CTBP2: variants seen among roughly 807,000 people sequenced by gnomAD.
CTBP2 encodes the protein C-terminal-binding protein 2.
In CTBP2, 30 loss-of-function variants were observed where a neutral mutation model predicts 80.3. The ratio of observed to expected loss-of-function variants is 0.37; its 90% confidence interval spans 0.28 to 0.51. The LOEUF is 0.51. CTBP2 is among the 20% of genes least tolerant of loss of function. CTBP2 has a pLI of 0.93. For synonymous variants in CTBP2, 594 were observed against 587.4 expected (o/e 1.01, Z -0.16); for missense variants, 1,212 against 1,375.3 (o/e 0.88, Z 1.88).
chr10:125,073,967 C>T (rs1296626394), intron 2 of CTBP2, among the ~76,000 whole-genome samples: 1 of 152,200 alleles, frequency 6.6e-6, no homozygotes, highest in African/African-American at 2.4e-5. Context: ...CAATCCCACC[C>T]AGCACCACAG....
intron 1 of CTBP2, among the ~76,000 whole-genome samples, chr10:125,134,909 T>C (rs1446373617): frequency 1.1e-5 from 1 of 89,106 alleles, no homozygotes; most frequent in Non-Finnish European, 2.7e-5. Context: ...GCCCCCGGTA[T>C]ACTCAACCCT....
intron 1 of CTBP2, among the ~76,000 whole-genome samples, chr10:125,125,182 A>G (rs1855017875): frequency 6.6e-6 from 1 of 152,220 alleles, no homozygotes; most frequent in Admixed American, 6.5e-5. Flanking sequence ...ATGTTGGCGG[A>G]GCATCAACAG....
chr10:125,123,277 C>T (rs1326287656), intron 1 of CTBP2, among the ~76,000 whole-genome samples: 2 of 152,194 alleles, frequency 1.3e-5, no homozygotes, highest in African/African-American at 4.8e-5. Context: ...TAAAATTGCA[C>T]AGACTAAATA....
chr10:125,087,174 A>C (rs1405452309), intron 2 of CTBP2, among the ~76,000 whole-genome samples: 3 of 151,504 alleles, frequency 2.0e-5, no homozygotes, highest in African/African-American at 7.3e-5. Context: ...TCCTGGGTTC[A>C]AGCGAGTCTC....
intron 1 of CTBP2, among the ~76,000 whole-genome samples, chr10:125,022,696 T>G (rs1957173759): frequency 6.6e-6 from 1 of 152,220 alleles, no homozygotes; most frequent in Non-Finnish European, 1.5e-5. Flanking sequence ...CAGGAAGGGC[T>G]GGACTCATCC....
rs966186448 is a variant in CTBP2 at position 124,988,948 on chromosome 10, A to G, written c.*570T>C. On this transcript the variant is annotated 3_prime_UTR_variant, in exon 9 of 9. Coordinates refer to ENST00000309035, the MANE Select transcript of CTBP2 (RefSeq NM_022802.3). ...CTTACAACCGACTTGCCCGCTCAGT[A>G]TGCAGTTCAGATGTGAGAGGCGCTT... The G allele has an allele frequency of 6.6e-6, 1 of 151,086 alleles. No homozygotes were observed. The highest frequency in any genetic ancestry group is 2.5e-5 in the African/African-American group (1 of 40,730). The allele number at this position is 151,086 out of a possible 1,614,324, so 9.4% of individuals were successfully genotyped here. A position where few individuals can be genotyped will look rare whatever the true frequency, so the allele number is the denominator to read the frequency against.
At chr10:125,079,811 T>G (rs1051091858) in intron 2 of CTBP2, among the ~76,000 whole-genome samples, 1 of 152,234 alleles carries the variant, frequency 6.6e-6, no homozygotes, top group African/African-American at 2.4e-5. Flanking sequence ...AGGCATTTTC[T>G]CACATGATGC....
chr10:124,990,042 GT>G (rs74920887), intron 8 of CTBP2, among the ~76,000 whole-genome samples: 203 of 138,822 alleles, frequency 1.5e-3, no homozygotes, highest in Middle Eastern at 7.7e-3. Flanking sequence ...CTGGCTAATA[GT>G]TTTTTTTTTT....
At chr10:125,057,934 G>A (rs1964275958) in intron 2 of CTBP2, among the ~76,000 whole-genome samples, 1 of 152,042 alleles carries the variant, frequency 6.6e-6, no homozygotes, top group African/African-American at 2.4e-5. Context: ...GCCCCCAAGA[G>A]GGTCTCACGG....
intron 2 of CTBP2, among the ~76,000 whole-genome samples, chr10:125,083,300 T>G (rs984648386): frequency 2.0e-5 from 3 of 152,190 alleles, no homozygotes; most frequent in Non-Finnish European, 4.4e-5. Flanking sequence ...CTCTCTTGAT[T>G]TGGCTTCTGG....
At chr10:125,051,554 T>G (rs1024991411) in intron 2 of CTBP2, among the ~76,000 whole-genome samples, 1 of 151,880 alleles carries the variant, frequency 6.6e-6, no homozygotes, top group Admixed American at 6.6e-5. Context: ...GCAGGAGAAT[T>G]GCTTGAACCC....
intron 1 of CTBP2, among the ~76,000 whole-genome samples, chr10:125,112,430 G>GT (rs59714965): frequency 0.09 from 8,336 of 92,274 alleles, 368 homozygotes; most frequent in African/African-American, 0.1. Context: ...TACCTTTTTC[G>GT]TTTTTTTTTT....
intron 1 of CTBP2, among the ~76,000 whole-genome samples, chr10:125,149,666 G>A (rs533784881): frequency 6.6e-6 from 1 of 152,296 alleles, no homozygotes; most frequent in Admixed American, 6.5e-5. Flanking sequence ...TTCACAAAAA[G>A]AAGAGAAGGG....
At position 124,988,242 on chromosome 10, in the gene CTBP2, T is replaced by C. The variant is rs992789114; in HGVS notation, c.*1276A>G. ...TATGGAACCCTGTAGTAACAAGAGC[T>C]GGAAATTGGCTAATTGACAATGCAA... On this transcript the variant is annotated 3_prime_UTR_variant, in exon 9 of 9. Coordinates refer to ENST00000309035, the MANE Select transcript of CTBP2 (RefSeq NM_022802.3). 2.0e-5 allele frequency: 3 copies of C among 152,682 alleles called. No homozygotes were observed. The highest frequency in any genetic ancestry group is 6.5e-5 in the Admixed American group (1 of 15,280). 9.5% of individuals were successfully genotyped at this position (152,682 alleles called of 1,614,324 possible). A position where few individuals can be genotyped will look rare whatever the true frequency, so the allele number is the denominator to read the frequency against.
chr10:124,999,770 C>T (rs1954181189), intron 3 of CTBP2: 1 of 152,260 alleles, frequency 6.6e-6, no homozygotes, highest in Non-Finnish European at 1.5e-5. Flanking sequence ...GGCTTGATCA[C>T]ATGCCATGTT....
At chr10:125,107,050 T>G (rs914225679) in intron 2 of CTBP2, among the ~76,000 whole-genome samples, 3 of 152,190 alleles carry the variant, frequency 2.0e-5, no homozygotes, top group Non-Finnish European at 2.9e-5. Flanking sequence ...CCATTTATCC[T>G]TGGGGGGTGG....
At position 125,002,647 on chromosome 10, in the gene CTBP2, G is replaced by C. The variant is rs139957257; in HGVS notation, c.1978+313C>G. Among the ~76,000 whole-genome samples, 1,235 of 152,346 alleles carry C rather than the reference G, an allele frequency of 8.1e-3. 7 individuals carry two copies. Among genetic ancestry groups the C allele is most frequent in the Non-Finnish European group, 0.014 (937 of 68,026 alleles). On this transcript the variant is annotated intron_variant, in intron 3 of 8. Coordinates refer to ENST00000309035, the MANE Select transcript of CTBP2 (RefSeq NM_022802.3). Reference sequence around the variant, plus strand: ...GGGTGGTTTAGAGGACATGTGGCCAGTCGCATTCTCCCCTCTGGAGGCGGC... The same window carrying C: ...GGGTGGTTTAGAGGACATGTGGCCACTCGCATTCTCCCCTCTGGAGGCGGC...
At chr10:125,037,538 T>A (rs1017459100) in intron 3 of CTBP2, among the ~76,000 whole-genome samples, 2 of 152,196 alleles carry the variant, frequency 1.3e-5, no homozygotes, top group Non-Finnish European at 2.9e-5. Context: ...TACAAATCAA[T>A]GGGGCCTGGG....
chr10:125,157,524 T>C (rs964837541), intron 1 of CTBP2, among the ~76,000 whole-genome samples: 2 of 152,022 alleles, frequency 1.3e-5, no homozygotes, highest in Admixed American at 1.3e-4. Flanking sequence ...TAATTCCCTC[T>C]AATAACTGCT....
Sources: gnomAD v4.1 joint callset for allele counts (sites outside exome capture counted in the v4.1 genomes callset) on GRCh38, gnomAD v4.1.1 for gene constraint, MANE v1.5 for transcripts, NCBI Gene and HGNC (gene_info 2026-07-23, HGNC 2026-07-21) for gene names.